XPR1: variants seen among roughly 807,000 people sequenced by gnomAD.
The protein encoded by XPR1 is solute carrier family 53 member 1.
A neutral mutation model predicts 87.5 loss-of-function variants in XPR1; 28 were observed. The observed-to-expected ratio is 0.32, with a 90% CI of 0.24 to 0.44. The LOEUF (loss-of-function observed/expected upper bound fraction) is 0.44. XPR1 is among the 20% of genes least tolerant of loss of function. The pLI is 1.00. For missense variants in XPR1, 559 were observed against 862.3 expected (o/e 0.65, Z 4.41); for synonymous variants, 300 against 306.1 (o/e 0.98, Z 0.21).
At chr1:180,742,419 A>G (rs951019039) in intron 2 of XPR1, among the ~76,000 whole-genome samples, 1 of 151,880 alleles carries the variant, frequency 6.6e-6, no homozygotes, top group African/African-American at 2.4e-5. Flanking sequence ...TTTAATTTCC[A>G]TGTGTTTGGA....
intron 1 of XPR1, among the ~76,000 whole-genome samples, chr1:180,657,168 C>T (rs1338999699): frequency 6.6e-6 from 1 of 151,946 alleles, no homozygotes; most frequent in East Asian, 1.9e-4. Context: ...GATCTTTGGT[C>T]CATTTCTTAA....
rs189105985 is a variant in XPR1, at chr1:180,667,300, T to G, written c.70-15060T>G. Among the ~76,000 whole-genome samples, 25 of 152,342 alleles carry G rather than the reference T, an allele frequency of 1.6e-4. 1 individual carries two copies. The East Asian group carries it at 4.8e-3, about 29-fold the overall frequency. ...GTTTCTATACCTAGTCTTTTGAATTTTTTTTTAATCATGATTTTGTCAAAT... is the reference window on the plus strand; with the variant it reads ...GTTTCTATACCTAGTCTTTTGAATTGTTTTTTAATCATGATTTTGTCAAAT... On this transcript the variant is annotated intron_variant, in intron 1 of 14. Transcript: ENST00000367590.
intron 2 of XPR1, among the ~76,000 whole-genome samples, chr1:180,745,054 T>A (rs889784532): frequency 6.6e-6 from 1 of 152,214 alleles, no homozygotes; most frequent in Non-Finnish European, 1.5e-5. Flanking sequence ...CTATAAGATA[T>A]GCTATTCAGA....
At chr1:180,728,385 C>G (rs946876358) in intron 2 of XPR1, among the ~76,000 whole-genome samples, 1 of 151,296 alleles carries the variant, frequency 6.6e-6, no homozygotes, top group African/African-American at 2.4e-5. Flanking sequence ...TACCAGCCAG[C>G]TATAAAGACT....
At chr1:180,721,398 A>G (rs1301550812) in intron 2 of XPR1, among the ~76,000 whole-genome samples, 4 of 152,100 alleles carry the variant, frequency 2.6e-5, no homozygotes, top group Non-Finnish European at 5.9e-5. Context: ...CTGTGGGTTG[A>G]CTCAGGTGGT....
At chr1:180,764,318 T>G (rs751389582) in intron 2 of XPR1, among the ~76,000 whole-genome samples, 3 of 152,232 alleles carry the variant, frequency 2.0e-5, no homozygotes, top group Admixed American at 6.5e-5. Context: ...AGATTTTATT[T>G]CCAAGATACC....
rs1472599908 is a variant in XPR1 at position 180,710,423 on chromosome 1, C to G, written c.121+28012C>G. ...TGACTCTTAACGAGCATGCTGCCTT[C>G]AAGCATCTGTTTAACAAAGCACATA... On this transcript the variant is annotated intron_variant, in intron 2 of 14. Coordinates refer to ENST00000367590, the MANE Select transcript of XPR1 (RefSeq NM_004736.4). Among the ~76,000 whole-genome samples, 3 of 152,098 alleles carry G rather than the reference C, an allele frequency of 2.0e-5. No individual in the cohort carries two copies. The East Asian group carries it at 5.8e-4, about 29-fold the overall frequency.
At position 180,856,422 on chromosome 1, in the gene XPR1, A is replaced by G. The variant is rs76847178; in HGVS notation, c.1502-7286A>G. ...TGTCCTTTTCATAGAAAGAGCTTCT[A>G]AATTATTTTGATGGTTGCAACCACT... On this transcript the variant is annotated intron_variant, in intron 11 of 14. Transcript: ENST00000367590. 1.6e-3 allele frequency among the ~76,000 whole-genome samples: 246 copies of G among 152,236 alleles called. 1 individual carries two copies. Among genetic ancestry groups the G allele is most frequent in the African/African-American group, 5.6e-3 (232 of 41,552 alleles).
intron 2 of XPR1, among the ~76,000 whole-genome samples, chr1:180,773,470 A>T (rs1184230029): frequency 6.6e-6 from 1 of 152,256 alleles, no homozygotes; most frequent in Non-Finnish European, 1.5e-5. Flanking sequence ...TACTATTTTA[A>T]GCTAAATAAT....
At chr1:180,755,253 G>A (rs1647688116) in intron 2 of XPR1, among the ~76,000 whole-genome samples, 1 of 152,144 alleles carries the variant, frequency 6.6e-6, no homozygotes, top group Non-Finnish European at 1.5e-5. Flanking sequence ...CCAGTTGTTG[G>A]TTTCTAAATA....
intron 1 of XPR1, among the ~76,000 whole-genome samples, chr1:180,666,145 C>T (rs1001313060): frequency 1.3e-5 from 2 of 152,126 alleles, no homozygotes; most frequent in African/African-American, 2.4e-5. Flanking sequence ...GACTGTATTC[C>T]ACTGGTTTAA....
At chr1:180,764,765 C>T (rs542790479) in intron 2 of XPR1, among the ~76,000 whole-genome samples, 1 of 149,178 alleles carries the variant, frequency 6.7e-6, no homozygotes. Context: ...CCACCGTGCC[C>T]AGCCTTATGG....
At chr1:180,632,833 AACTTG>A (rs753504907) in intron 1 of XPR1, among the ~76,000 whole-genome samples, 53 of 152,344 alleles carry the variant, frequency 3.5e-4, no homozygotes, top group African/African-American at 8.4e-4. Flanking sequence ...ACGGGGTTGA[AACTTG>A]ACTTAAGTGT....
chr1:180,863,911 C>G (rs770006503), intron 12 of XPR1, 37 bp downstream of exon 12: 6 of 1,526,424 alleles, frequency 3.9e-6, no homozygotes, highest in Non-Finnish European at 5.3e-6. Context: ...AAAGAACAAA[C>G]TTAGGTATAC....
intron 2 of XPR1, among the ~76,000 whole-genome samples, chr1:180,737,105 TTATG>T (rs1658753340): frequency 6.6e-6 from 1 of 152,002 alleles, no homozygotes; most frequent in Non-Finnish European, 1.5e-5. Context: ...TTTTTGAGAG[TTATG>T]TATGTTATAG....
At chr1:180,730,769 C>G (rs12095957) in intron 2 of XPR1, among the ~76,000 whole-genome samples, 1,911 of 152,146 alleles carry the variant, frequency 0.013, 31 homozygotes, top group African/African-American at 0.044. Flanking sequence ...CTCAAGTGAT[C>G]CTCCCCCCTC....
At chr1:180,724,212 G>T (rs1658263467) in intron 2 of XPR1, among the ~76,000 whole-genome samples, 1 of 152,134 alleles carries the variant, frequency 6.6e-6, no homozygotes, top group Non-Finnish European at 1.5e-5. Flanking sequence ...CTTGAGGTGA[G>T]TTTGGGATAT....
At chr1:180,799,196 A>G (rs1331852058) in intron 3 of XPR1, among the ~76,000 whole-genome samples, 2 of 152,356 alleles carry the variant, frequency 1.3e-5, no homozygotes, top group African/African-American at 2.4e-5. Flanking sequence ...CCCCTTGAGA[A>G]CTAACCAACA....
chr1:180,650,540 A>G (rs1202485391), intron 1 of XPR1, among the ~76,000 whole-genome samples: 1 of 152,214 alleles, frequency 6.6e-6, no homozygotes, highest in Non-Finnish European at 1.5e-5. Context: ...GTTAGCAAAA[A>G]GCAATTTATG....
Sources: allele counts gnomAD v4.1 joint callset (sites outside exome capture counted in the v4.1 genomes callset), GRCh38; gene constraint gnomAD v4.1.1; transcripts MANE v1.5; gene names NCBI Gene and HGNC (gene_info 2026-07-23, HGNC 2026-07-21).